The following NXN variants were observed in gnomAD, a reference collection of about 807,000 sequenced individuals.
NXN encodes the protein nucleoredoxin 1.
NXN carries 16 observed loss-of-function variants against 48.6 expected under a neutral mutation model. That is an observed-to-expected ratio of 0.33 (90% CI 0.22 to 0.50). The LOEUF is 0.50. Among genes scored for constraint, NXN ranks in the 20% least tolerant of loss-of-function variants. The probability of loss-of-function intolerance (pLI) is 0.98; values close to 1 mark genes in which losing one functional copy is unlikely to be tolerated. For missense variants in NXN, 492 were observed against 605.5 expected (o/e 0.81, Z 1.97); for synonymous variants, 281 against 269.6 (o/e 1.04, Z -0.41).
chr17:853,588 C>T (rs996940433), intron 1 of NXN, among the ~76,000 whole-genome samples: 7 of 151,772 alleles, frequency 4.6e-5, no homozygotes, highest in South Asian at 2.1e-4. Context: ...ATCAGCTCTT[C>T]GGGGGAGCCT....
chr17:825,332 C>T lies in NXN; in HGVS notation c.478+629G>A, dbSNP rs960317435. On this transcript the variant is annotated intron_variant, in intron 2 of 7. Coordinates refer to ENST00000336868, the MANE Select transcript of NXN (RefSeq NM_022463.5). The surrounding 1 kb of genome is among the most constrained non-coding windows in gnomAD (Gnocchi z 4.1). ...CATTTTTACTGGGAAAATGTGTGAG[C>T]GGGGTTGAATCTTCTCACTGGACGG... Among the ~76,000 whole-genome samples, 1 of 151,854 alleles carries T rather than the reference C, an allele frequency of 6.6e-6. No individual in the cohort carries two copies. The highest frequency in any genetic ancestry group is 6.6e-5 in the Admixed American group (1 of 15,242).
chr17:956,562 C>T lies in NXN; in HGVS notation c.360+22757G>A, dbSNP rs938264985. Among the ~76,000 whole-genome samples, 2 of 152,024 alleles carry T rather than the reference C, an allele frequency of 1.3e-5. No individual in the cohort carries two copies. The highest frequency in any genetic ancestry group is 2.9e-5 in the Non-Finnish European group (2 of 68,010). ...CCAAGTAGCTGGGACTACAGGCGCC[C>T]GCCACCACGTCCGGCTAATTTTTTG... On this transcript the variant is annotated intron_variant, in intron 1 of 7. Transcript: ENST00000336868. The surrounding 1 kb of genome is among the most constrained non-coding windows in gnomAD (Gnocchi z 4.1).
At chr17:975,503 AGAGT>A (rs1427090332) in intron 1 of NXN, among the ~76,000 whole-genome samples, 4 of 152,160 alleles carry the variant, frequency 2.6e-5, no homozygotes, top group Non-Finnish European at 4.4e-5. Flanking sequence ...CAGAGCAGCC[AGAGT>A]GAGACTCCAC....
chr17:838,269 T>C (rs1913941458), intron 1 of NXN, among the ~76,000 whole-genome samples: 1 of 151,634 alleles, frequency 6.6e-6, no homozygotes, highest in Non-Finnish European at 1.5e-5. Context: ...GTAGCTGGGA[T>C]TACAGGTGCC....
At chr17:889,045 C>G (rs2068380424) in intron 1 of NXN, among the ~76,000 whole-genome samples, 1 of 151,306 alleles carries the variant, frequency 6.6e-6, no homozygotes, top group African/African-American at 2.4e-5. Context: ...GCTGGGGGTT[C>G]TAAGCCTTAC....
chr17:822,777 G>C (rs1206315528), intron 3 of NXN, among the ~76,000 whole-genome samples: 1 of 152,166 alleles, frequency 6.6e-6, no homozygotes, highest in Admixed American at 6.5e-5. Context: ...TGTGTGAGCA[G>C]GTAGCATGAA....
chr17:826,317 C>T (rs536080752), intron 1 of NXN, among the ~76,000 whole-genome samples: 10 of 152,212 alleles, frequency 6.6e-5, no homozygotes, highest in Non-Finnish European at 1.0e-4. Flanking sequence ...GTCCCACTGC[C>T]CCCCGGGGTC....
chr17:881,873 C>T (rs889962363), intron 1 of NXN, among the ~76,000 whole-genome samples: 5 of 152,098 alleles, frequency 3.3e-5, no homozygotes, highest in African/African-American at 1.2e-4. Flanking sequence ...ACTGACTGTA[C>T]GATTCCATTT....
chr17:968,068 T>C (rs73978310), intron 1 of NXN, among the ~76,000 whole-genome samples: 3,189 of 151,866 alleles, frequency 0.021, 103 homozygotes, highest in African/African-American at 0.071. Context: ...GGGTGTGATA[T>C]TGTGGTTATG....
chr17:963,527 A>G (rs1002809410), intron 1 of NXN, among the ~76,000 whole-genome samples: 7 of 152,156 alleles, frequency 4.6e-5, no homozygotes, highest in Non-Finnish European at 7.4e-5. Context: ...GCTTGAAACC[A>G]GGTGGCGGAG....
At chr17:897,024 G>A (rs1053264871) in intron 1 of NXN, 21 of 1,096,508 alleles carry the variant, frequency 1.9e-5, no homozygotes, top group African/African-American at 1.4e-4. Context: ...TGGAAACTCC[G>A]GCGTGCCTAA....
At chr17:846,236 G>A (rs2067858714) in intron 1 of NXN, among the ~76,000 whole-genome samples, 1 of 151,838 alleles carries the variant, frequency 6.6e-6, no homozygotes, top group Admixed American at 6.6e-5. Flanking sequence ...AGACCAGCCT[G>A]GCCAAGACAA....
intron 1 of NXN, among the ~76,000 whole-genome samples, chr17:896,068 G>A (rs2068481046): frequency 6.6e-6 from 1 of 151,974 alleles, no homozygotes; most frequent in Non-Finnish European, 1.5e-5. Flanking sequence ...GGCTGGGCAT[G>A]GTGGCTTATG....
intron 1 of NXN, among the ~76,000 whole-genome samples, chr17:837,947 A>G (rs2144694158): frequency 6.6e-6 from 1 of 152,282 alleles, no homozygotes; most frequent in South Asian, 2.1e-4. Flanking sequence ...TCACAAAACA[A>G]CATGTCCACT....
intron 5 of NXN, among the ~76,000 whole-genome samples, chr17:814,452 CTA>C (rs1912356431): frequency 6.6e-6 from 1 of 152,088 alleles, no homozygotes; most frequent in African/African-American, 2.4e-5. Flanking sequence ...GAAAATGCCT[CTA>C]TGTGGAAAGG....
intron 1 of NXN, among the ~76,000 whole-genome samples, chr17:828,167 G>A (rs1022134618): frequency 1.1e-4 from 17 of 152,108 alleles, no homozygotes; most frequent in African/African-American, 4.1e-4. Context: ...GCAGTGGCAC[G>A]ATCTTGGCTC....
At chr17:936,513 C>A (rs927979188) in intron 1 of NXN, among the ~76,000 whole-genome samples, 5 of 151,696 alleles carry the variant, frequency 3.3e-5, no homozygotes, top group African/African-American at 9.7e-5. Context: ...TCCACACCTT[C>A]CGGTCCCCAA....
chr17:885,963 T>C (rs111907153), intron 1 of NXN, among the ~76,000 whole-genome samples: 22,956 of 151,722 alleles, frequency 0.15, 1,922 homozygotes, highest in South Asian at 0.24. Flanking sequence ...GCTGGGATTA[T>C]AGGCGTGAGC....
At chr17:901,810 C>T (rs2068540553) in intron 1 of NXN, among the ~76,000 whole-genome samples, 1 of 152,184 alleles carries the variant, frequency 6.6e-6, no homozygotes, top group South Asian at 2.1e-4. Context: ...AGTCATTCTC[C>T]TGCCTCAGCC....
Sources: allele counts gnomAD v4.1 joint callset (sites outside exome capture counted in the v4.1 genomes callset), GRCh38; gene constraint gnomAD v4.1.1; non-coding constraint Gnocchi (gnomAD v3.1); transcripts MANE v1.5; gene names NCBI Gene and HGNC (gene_info 2026-07-23, HGNC 2026-07-21).